LGSN: variants seen among roughly 807,000 people sequenced by gnomAD.
The protein encoded by LGSN is lengsin.
Under a neutral mutation model 19.5 loss-of-function variants are expected in LGSN, and 21 were observed. The observed-to-expected ratio is 1.07, with a 90% CI of 0.76 to 1.55. LGSN has a LOEUF of 1.55. Among genes scored for constraint, LGSN ranks in the 40% most tolerant of loss-of-function variants. The pLI, the probability that LGSN is intolerant of heterozygous loss-of-function variation, is 0.00. For synonymous variants in LGSN, 257 were observed against 215.6 expected (o/e 1.19, Z -1.68); for missense variants, 673 against 608.5 (o/e 1.11, Z -1.12).
the LGSN span, among the ~76,000 whole-genome samples, chr6:63,333,752 A>G: frequency 6.6e-6 from 1 of 152,364 alleles, no homozygotes; most frequent in Admixed American, 6.5e-5. Context: ...AACTCAATCC[A>G]ACAGCACATC....
chr6:63,525,736 G>A, the LGSN span, among the ~76,000 whole-genome samples: 1 of 152,104 alleles, frequency 6.6e-6, no homozygotes, highest in Non-Finnish European at 1.5e-5. Context: ...GCTGCTTTCT[G>A]CAATTACTTT....
chr6:63,537,853 G>C, the LGSN span, among the ~76,000 whole-genome samples: 88 of 152,322 alleles, frequency 5.8e-4, no homozygotes, highest in East Asian at 0.016. Flanking sequence ...AGAATCTGGC[G>C]AAAGGGCCAC....
At chr6:63,485,626 G>A in the LGSN span, among the ~76,000 whole-genome samples, 1 of 152,156 alleles carries the variant, frequency 6.6e-6, no homozygotes, top group African/African-American at 2.4e-5. Flanking sequence ...TTCCACAATA[G>A]TTGAACTAAT....
the LGSN span, among the ~76,000 whole-genome samples, chr6:63,423,942 A>G: frequency 2.0e-5 from 3 of 152,194 alleles, no homozygotes; most frequent in Non-Finnish European, 4.4e-5. Context: ...TAGGAAGCCG[A>G]GGCAGGAGAA....
the LGSN span, among the ~76,000 whole-genome samples, chr6:63,353,729 C>T: frequency 1.3e-5 from 2 of 151,990 alleles, no homozygotes; most frequent in African/African-American, 4.8e-5. Context: ...GACATCACAC[C>T]ACCTGACTTC....
At chr6:63,556,550 G>A in the LGSN span, among the ~76,000 whole-genome samples, 2 of 152,094 alleles carry the variant, frequency 1.3e-5, no homozygotes, top group African/African-American at 4.8e-5. Context: ...TTTTCTCAGG[G>A]CGTGGTTTCT....
At chr6:63,344,265 T>C in the LGSN span, among the ~76,000 whole-genome samples, 1 of 152,234 alleles carries the variant, frequency 6.6e-6, no homozygotes, top group Non-Finnish European at 1.5e-5. Context: ...GGCTTGGACT[T>C]CTCAGTAACG....
the LGSN span, among the ~76,000 whole-genome samples, chr6:63,476,294 A>T: frequency 3.3e-5 from 5 of 152,330 alleles, no homozygotes; most frequent in African/African-American, 1.2e-4. Context: ...ACAAAGCTTG[A>T]TGTGACAGAA....
the LGSN span, among the ~76,000 whole-genome samples, chr6:63,551,584 T>C: frequency 1.1e-3 from 160 of 152,266 alleles, 1 homozygote; most frequent in African/African-American, 3.5e-3. Flanking sequence ...ATGTGCACAA[T>C]GTGCAGGTTT....
the LGSN span, among the ~76,000 whole-genome samples, chr6:63,399,245 A>C: frequency 6.6e-6 from 1 of 152,182 alleles, no homozygotes; most frequent in Non-Finnish European, 1.5e-5. Context: ...GCCTCGGAGC[A>C]ATAGGCTATA....
chr6:63,409,928 C>T, the LGSN span, among the ~76,000 whole-genome samples: 4 of 151,964 alleles, frequency 2.6e-5, no homozygotes, highest in South Asian at 2.1e-4. Context: ...CCCAGCTATT[C>T]GGGAGGCTGA....
At chr6:63,367,572 C>T in the LGSN span, among the ~76,000 whole-genome samples, 1 of 150,528 alleles carries the variant, frequency 6.6e-6, no homozygotes, top group Non-Finnish European at 1.5e-5. Flanking sequence ...ACCATTTGAC[C>T]CAGCCATCCC....
At chr6:63,498,633 G>A in the LGSN span, among the ~76,000 whole-genome samples, 80,638 of 151,336 alleles carry the variant, frequency 0.53, 23,286 homozygotes, top group African/African-American at 0.77. Context: ...GTTATCAAAG[G>A]TAGTGGACAC....
the LGSN span, among the ~76,000 whole-genome samples, chr6:63,390,003 G>A: frequency 1.3e-5 from 2 of 150,704 alleles, no homozygotes; most frequent in African/African-American, 4.9e-5. Flanking sequence ...CACACCTTTT[G>A]TGAATGCTAA....
the LGSN span, chr6:63,392,747 A>G: frequency 9.9e-5 from 15 of 152,166 alleles, no homozygotes; most frequent in African/African-American, 3.6e-4. Flanking sequence ...GTCCTCGGTA[A>G]GGTTTTCCTT....
the LGSN span, among the ~76,000 whole-genome samples, chr6:63,368,125 G>GAAA: frequency 2.7e-3 from 400 of 149,900 alleles, 5 homozygotes; most frequent in African/African-American, 9.2e-3. Flanking sequence ...CAGAAAAAAA[G>GAAA]AAAAAAAAAG....
At chr6:63,329,252 C>T in the LGSN span, among the ~76,000 whole-genome samples, 3 of 152,132 alleles carry the variant, frequency 2.0e-5, no homozygotes, top group Non-Finnish European at 4.4e-5. Context: ...CAAGACCGTC[C>T]ACATAAGTTG....
In LGSN at chr6:63,304,224, G is replaced by A. The variant is rs943350949; in HGVS notation, c.31-9179C>T. On this transcript the variant is annotated intron_variant, in intron 1 of 3. Transcript: ENST00000370657. ...AGAACATCAGTCCACTTCTTTTAACGTACATCCTAGGTTAAATAAAACATT... is the reference window on the plus strand; with the variant it reads ...AGAACATCAGTCCACTTCTTTTAACATACATCCTAGGTTAAATAAAACATT... Among the ~76,000 whole-genome samples, 12 of 152,260 alleles carry A rather than the reference G, an allele frequency of 7.9e-5. No individual in the cohort carries two copies. In the East Asian group the frequency reaches 1.5e-3, roughly 20 times the overall value.
chr6:63,372,748 A>G, the LGSN span, among the ~76,000 whole-genome samples: 1 of 152,204 alleles, frequency 6.6e-6, no homozygotes, highest in East Asian at 1.9e-4. Flanking sequence ...CTAAGACACC[A>G]TAATTGTAAA....
Sources: gnomAD v4.1 joint callset for allele counts (sites outside exome capture counted in the v4.1 genomes callset) on GRCh38, gnomAD v4.1.1 for gene constraint, MANE v1.5 for transcripts, NCBI Gene and HGNC (gene_info 2026-07-23, HGNC 2026-07-21) for gene names.